Variants in AGBL3 observed in about 807,000 individuals in gnomAD.
AGBL3 encodes cytosolic carboxypeptidase 3.
AGBL3 carries 68 observed loss-of-function variants against 94.5 expected under a neutral mutation model. That is an observed-to-expected ratio of 0.72 (90% CI 0.59 to 0.88). AGBL3 has a LOEUF of 0.88. AGBL3 is among the 40% of genes least tolerant of loss of function. The pLI, the probability that AGBL3 is intolerant of heterozygous loss-of-function variation, is 0.00. For missense variants in AGBL3, 934 were observed against 1,103.8 expected, an observed-to-expected ratio of 0.85 and a Z score of 2.18; for synonymous variants, 354 against 370.7, an observed-to-expected ratio of 0.95 and a Z score of 0.52.
At chr7:135,125,941 T>G (rs1827812379) in intron 16 of AGBL3, among the ~76,000 whole-genome samples, 1 of 152,196 alleles carries the variant, frequency 6.6e-6, no homozygotes, top group African/African-American at 2.4e-5. Flanking sequence ...AATATCATAT[T>G]GAATAGGCAA....
At chr7:135,022,285 C>G (rs1023924943) in intron 5 of AGBL3, among the ~76,000 whole-genome samples, 2 of 152,224 alleles carry the variant, frequency 1.3e-5, no homozygotes, top group African/African-American at 4.8e-5. Flanking sequence ...TTCCCACCAA[C>G]AATGTAAACG....
chr7:135,124,767 T>C (rs1827624959), intron 16 of AGBL3, among the ~76,000 whole-genome samples: 1 of 152,192 alleles, frequency 6.6e-6, no homozygotes, highest in African/African-American at 2.4e-5. Context: ...CACGATTACA[T>C]GGAAATTGAA....
At chr7:135,076,136 A>C (rs1820425906) in intron 12 of AGBL3, among the ~76,000 whole-genome samples, 1 of 152,208 alleles carries the variant, frequency 6.6e-6, no homozygotes. Flanking sequence ...TAAAGCGAGA[A>C]TATATGAAGC....
chr7:135,051,600 T>G (rs1197568628), intron 11 of AGBL3, among the ~76,000 whole-genome samples: 31 of 152,104 alleles, frequency 2.0e-4, no homozygotes, highest in Admixed American at 1.8e-3. Flanking sequence ...GTCTAGGTTT[T>G]TTTTTCCAGG....
intron 15 of AGBL3, among the ~76,000 whole-genome samples, chr7:135,095,614 A>G (rs1050696998): frequency 1.3e-5 from 2 of 152,186 alleles, no homozygotes; most frequent in African/African-American, 4.8e-5. Context: ...CAAAAGCCAT[A>G]TGTTATCTTT....
At chr7:135,088,734 T>C (rs1249319634) in intron 15 of AGBL3, among the ~76,000 whole-genome samples, 1 of 152,174 alleles carries the variant, frequency 6.6e-6, no homozygotes, top group East Asian at 1.9e-4. Flanking sequence ...TGCAAAGAAA[T>C]CTGCTGTTAG....
intron 12 of AGBL3, among the ~76,000 whole-genome samples, chr7:135,068,496 T>C (rs1400913733): frequency 6.6e-6 from 1 of 152,110 alleles, no homozygotes; most frequent in East Asian, 1.9e-4. Flanking sequence ...AAAGGTCGGG[T>C]TACCCACAAA....
chr7:135,019,454 T>G (rs946494013), intron 5 of AGBL3, among the ~76,000 whole-genome samples: 6 of 152,200 alleles, frequency 3.9e-5, no homozygotes, highest in African/African-American at 1.4e-4. Flanking sequence ...TTCAAGAAAC[T>G]TTATTCTTTT....
intron 4 of AGBL3, among the ~76,000 whole-genome samples, chr7:135,014,068 C>T (rs561070426): frequency 2.0e-5 from 3 of 151,778 alleles, no homozygotes; most frequent in East Asian, 3.9e-4. Context: ...TGGTGGCATG[C>T]GCCTGTAGTC....
At chr7:135,021,384 C>T (rs1385801700) in intron 5 of AGBL3, among the ~76,000 whole-genome samples, 2 of 151,788 alleles carry the variant, frequency 1.3e-5, no homozygotes, top group African/African-American at 2.4e-5. Context: ...CTCCACCTCC[C>T]AGGTTCATGC....
intron 3 of AGBL3, among the ~76,000 whole-genome samples, chr7:134,989,688 CAT>C (rs1349911228): frequency 1.3e-5 from 2 of 152,160 alleles, no homozygotes; most frequent in Non-Finnish European, 2.9e-5. Flanking sequence ...TGCAACTGAA[CAT>C]GTGTGTGGAC....
At chr7:135,029,770 T>C (rs1268182349) in intron 5 of AGBL3, among the ~76,000 whole-genome samples, 1 of 152,212 alleles carries the variant, frequency 6.6e-6, no homozygotes, top group African/African-American at 2.4e-5. Context: ...TTAATCATTT[T>C]TGGCTTTTGA....
intron 11 of AGBL3, among the ~76,000 whole-genome samples, chr7:135,048,793 C>CAT (rs1433371485): frequency 2.7e-5 from 4 of 147,036 alleles, no homozygotes; most frequent in African/African-American, 1.0e-4. Context: ...TTTCTATATA[C>CAT]ATATATAAGA....
At chr7:134,990,268 G>C (rs187438592) in intron 3 of AGBL3, among the ~76,000 whole-genome samples, 14 of 152,156 alleles carry the variant, frequency 9.2e-5, no homozygotes, top group Non-Finnish European at 1.6e-4. Flanking sequence ...CTCCTTCCAG[G>C]CTTCACCCCT....
chr7:135,032,280 T>C (rs1815824927), intron 5 of AGBL3, among the ~76,000 whole-genome samples: 1 of 151,816 alleles, frequency 6.6e-6, no homozygotes, highest in African/African-American at 2.4e-5. Context: ...TGACCAGAAA[T>C]GGAGTGAATT....
chr7:135,057,210 T>C (rs1024908023), intron 11 of AGBL3, among the ~76,000 whole-genome samples: 1 of 152,106 alleles, frequency 6.6e-6, no homozygotes, highest in African/African-American at 2.4e-5. Context: ...ACAGGCAAAA[T>C]GTGAACTAGA....
intron 11 of AGBL3, among the ~76,000 whole-genome samples, chr7:135,046,421 A>G (rs994268138): frequency 2.0e-5 from 3 of 152,104 alleles, no homozygotes; most frequent in African/African-American, 7.2e-5. Flanking sequence ...TCACTATTAT[A>G]GTATCATAGA....
chr7:135,108,171 G>A (rs1770969474), intron 15 of AGBL3, among the ~76,000 whole-genome samples: 1 of 152,138 alleles, frequency 6.6e-6, no homozygotes, highest in East Asian at 1.9e-4. Context: ...TTTCCAGCTT[G>A]CCACTCTGTA....
At chr7:135,003,903 T>C (rs1047010408) in intron 4 of AGBL3, among the ~76,000 whole-genome samples, 1 of 151,444 alleles carries the variant, frequency 6.6e-6, no homozygotes, top group Admixed American at 6.6e-5. Flanking sequence ...ATTAATGTAA[T>C]TATATCTCCT....
Sources: allele counts gnomAD v4.1 joint callset (sites outside exome capture counted in the v4.1 genomes callset), GRCh38; gene constraint gnomAD v4.1.1; transcripts MANE v1.5; gene names NCBI Gene and HGNC (gene_info 2026-07-23, HGNC 2026-07-21).